CDH4: variants seen among roughly 807,000 people sequenced by gnomAD.
CDH4 encodes cadherin 4.
CDH4 carries 33 observed loss-of-function variants against 86.0 expected under a neutral mutation model. The ratio of observed to expected loss-of-function variants is 0.38; its 90% CI spans 0.29 to 0.51. The LOEUF is 0.51. Ranked by LOEUF, CDH4 falls within the 20% of genes least tolerant of loss-of-function variation. The probability of loss-of-function intolerance (pLI) is 0.86; values close to 1 mark genes in which losing one functional copy is unlikely to be tolerated. For synonymous variants in CDH4, 555 were observed against 549.4 expected (o/e 1.01, Z -0.14); for missense variants, 1,114 against 1,307.4 (o/e 0.85, Z 2.28).
chr20:61,661,470 CTTT>C (rs11472090), intron 2 of CDH4, among the ~76,000 whole-genome samples: 1 of 115,082 alleles, frequency 8.7e-6, no homozygotes, highest in Admixed American at 9.2e-5. Flanking sequence ...TGCTTTCTGA[CTTT>C]TTTTTTTTTT....
intron 2 of CDH4, among the ~76,000 whole-genome samples, chr20:61,421,575 C>G (rs1477117132): frequency 6.6e-6 from 1 of 152,098 alleles, no homozygotes; most frequent in Non-Finnish European, 1.5e-5. Flanking sequence ...GCAGCTTGCA[C>G]AGAGCCCCCT....
At chr20:61,772,758 T>G (rs1378661143) in intron 3 of CDH4, among the ~76,000 whole-genome samples, 1 of 152,188 alleles carries the variant, frequency 6.6e-6, no homozygotes, top group African/African-American at 2.4e-5. Context: ...TTATGGTTTC[T>G]TTTTCCCGCA....
rs78038378 is a variant in CDH4 at position 61,836,219 on chromosome 20, A to G, written c.577-8449A>G. On this transcript the variant is annotated intron_variant, in intron 4 of 15. Transcript: ENST00000614565. The stretch of plus-strand genomic sequence containing the variant: ...CAGGACCACTTACCATGGGAGAACA[A>G]TGACGCCCCCGGAGTGAACTGGCCT... 5.5e-3 allele frequency among the ~76,000 whole-genome samples: 837 copies of G among 152,318 alleles called. 4 individuals are homozygous for G. Among genetic ancestry groups the G allele is most frequent in the Middle Eastern group, 0.024 (7 of 294 alleles).
intron 2 of CDH4, among the ~76,000 whole-genome samples, chr20:61,457,707 T>C (rs909064157): frequency 1.5e-4 from 22 of 146,426 alleles, no homozygotes; most frequent in Admixed American, 4.1e-4. Flanking sequence ...TGGTGATGGT[T>C]ATGATGGTGA....
At position 61,879,555 on chromosome 20, in the gene CDH4, G is replaced by A. The variant is rs368142233; in HGVS notation, c.1050+5655G>A. Among the ~76,000 whole-genome samples, 1 of 152,106 alleles carries A rather than the reference G, an allele frequency of 6.6e-6. No homozygotes were observed. Among genetic ancestry groups the A allele is most frequent in the East Asian group, 1.9e-4 (1 of 5,160 alleles). ...TTAGGCAGAGCTATGTAAATTGAGC[G>A]CTTCTACTTGATTAAGATGTCAGGA... On this transcript the variant is annotated intron_variant, in intron 7 of 15. Coordinates refer to ENST00000614565, the MANE Select transcript of CDH4 (RefSeq NM_001794.5). The surrounding 1 kb of genome is among the most constrained non-coding windows in gnomAD (Gnocchi z 4.1).
chr20:61,924,847 G>A (rs2055027321), intron 11 of CDH4, among the ~76,000 whole-genome samples: 1 of 152,232 alleles, frequency 6.6e-6, no homozygotes, highest in South Asian at 2.1e-4. Flanking sequence ...AACCTGAAAT[G>A]CATCTCAGTT....
rs1186456058 is a variant in CDH4, at chr20:61,297,338, G to A, written c.169+42401G>A. Among the ~76,000 whole-genome samples, 4 of 152,304 alleles carry A rather than the reference G, an allele frequency of 2.6e-5. No individual in the cohort carries two copies. In the South Asian group the frequency reaches 6.2e-4, roughly 24 times the overall value. On this transcript the variant is annotated intron_variant, in intron 2 of 15. Coordinates refer to ENST00000614565, the MANE Select transcript of CDH4 (RefSeq NM_001794.5). ...GAGGCGGAAGATGCAATGAGGAGCC[G>A]AGATCGCGCCATTGTACTCCAGCCT...
intron 2 of CDH4, among the ~76,000 whole-genome samples, chr20:61,603,715 G>A (rs2086621084): frequency 6.6e-6 from 1 of 152,342 alleles, no homozygotes; most frequent in Non-Finnish European, 1.5e-5. Context: ...TGGGGTGCCA[G>A]TGGAGGCTTC....
Position 61,852,972 on chromosome 20 carries a change from G to A in CDH4, c.877+74G>A, listed in dbSNP as rs188989379. On this transcript the variant is annotated intron_variant, in intron 6 of 15. Coordinates refer to ENST00000614565, the MANE Select transcript of CDH4 (RefSeq NM_001794.5). ...TGCAGCACAGGCCCTGAGGGCAGGGGAGGGCTGCTTAGTCCCCGCTACCAG... is the reference window on the plus strand; with the variant it reads ...TGCAGCACAGGCCCTGAGGGCAGGGAAGGGCTGCTTAGTCCCCGCTACCAG... The A allele has an allele frequency of 5.3e-6, 8 of 1,503,284 alleles. No individual in the cohort carries two copies. The East Asian group carries it at 1.7e-4, about 32-fold the overall frequency. The allele number at this position is 1,503,284 out of a possible 1,614,324, so 93.1% of individuals were successfully genotyped here.
At chr20:61,485,610 G>T (rs2085591863) in intron 2 of CDH4, among the ~76,000 whole-genome samples, 1 of 152,194 alleles carries the variant, frequency 6.6e-6, no homozygotes, top group African/African-American at 2.4e-5. Context: ...GGGGAGGGTG[G>T]CTCATTGACC....
intron 3 of CDH4, among the ~76,000 whole-genome samples, chr20:61,752,780 G>A (rs990860006): frequency 6.6e-6 from 1 of 152,172 alleles, no homozygotes; most frequent in Non-Finnish European, 1.5e-5. Context: ...CCTGGCAGCA[G>A]GAACACGTGT....
At chr20:61,398,892 C>T (rs1014779349) in intron 2 of CDH4, among the ~76,000 whole-genome samples, 5 of 152,190 alleles carry the variant, frequency 3.3e-5, no homozygotes, top group Admixed American at 6.5e-5. Context: ...AGTCAGACCC[C>T]GGCCACAGCC....
At chr20:61,274,355 A>G (rs1244155010) in intron 2 of CDH4, among the ~76,000 whole-genome samples, 16 of 47,960 alleles carry the variant, frequency 3.3e-4, no homozygotes, top group East Asian at 1.4e-3. Flanking sequence ...GGATTACTGC[A>G]TGCAGTTGTT....
At chr20:61,606,968 C>A (rs2086650524) in intron 2 of CDH4, among the ~76,000 whole-genome samples, 2 of 152,218 alleles carry the variant, frequency 1.3e-5, no homozygotes. Context: ...AGTCAAAGGT[C>A]TGCTGAGTAG....
At chr20:61,655,700 G>GTCATTCAT (rs374644613) in intron 2 of CDH4, among the ~76,000 whole-genome samples, 90 of 152,334 alleles carry the variant, frequency 5.9e-4, no homozygotes, top group African/African-American at 2.1e-3. Context: ...GCCTCCGTGG[G>GTCATTCAT]TCATTCATTC....
intron 2 of CDH4, among the ~76,000 whole-genome samples, chr20:61,573,100 G>T (rs1443295501): frequency 6.6e-6 from 1 of 152,180 alleles, no homozygotes; most frequent in African/African-American, 2.4e-5. Flanking sequence ...TTGGACGGAT[G>T]GATGGGGTGG....
chr20:61,400,390 G>A (rs781263755), intron 2 of CDH4, among the ~76,000 whole-genome samples: 1 of 152,192 alleles, frequency 6.6e-6, no homozygotes, highest in Non-Finnish European at 1.5e-5. Flanking sequence ...AAGTGATGCT[G>A]CACTGGGGGT....
chr20:61,659,087 G>A (rs1313579166), intron 2 of CDH4, among the ~76,000 whole-genome samples: 4 of 152,260 alleles, frequency 2.6e-5, no homozygotes, highest in South Asian at 4.1e-4. Context: ...AACTGTTCAC[G>A]GTCGTAGCAC....
chr20:61,688,357 G>T (rs1003518765), intron 2 of CDH4, among the ~76,000 whole-genome samples: 2 of 151,252 alleles, frequency 1.3e-5, no homozygotes, highest in South Asian at 2.2e-4. Flanking sequence ...TCCTCCCACC[G>T]ACACCCACCA....
Sources: allele counts gnomAD v4.1 joint callset (sites outside exome capture counted in the v4.1 genomes callset), GRCh38; gene constraint gnomAD v4.1.1; non-coding constraint Gnocchi (gnomAD v3.1); transcripts MANE v1.5; gene names NCBI Gene and HGNC (gene_info 2026-07-23, HGNC 2026-07-21).